UBE2E2: variants seen among roughly 807,000 people sequenced by gnomAD.
The protein encoded by UBE2E2 is ubiquitin conjugating enzyme E2 E2.
UBE2E2 carries 6 observed loss-of-function variants against 24.7 expected under a neutral mutation model. The observed-to-expected ratio is 0.24, with a 90% confidence interval of 0.13 to 0.48. The LOEUF (loss-of-function observed/expected upper bound fraction) is 0.48. UBE2E2 is among the 20% of genes least tolerant of loss of function. UBE2E2 has a pLI of 0.99. For synonymous variants in UBE2E2, 104 were observed against 83.6 expected, an observed-to-expected ratio of 1.24 and a Z score of -1.33; for missense variants, 169 against 245.0, an observed-to-expected ratio of 0.69 and a Z score of 2.07.
At position 23,590,034 on chromosome 3, in the gene UBE2E2, C is replaced by G. The variant is rs542879952; in HGVS notation, c.*203C>G. 2.0e-6 allele frequency: 1 copy of G among 493,888 alleles called. No homozygotes were observed. Among genetic ancestry groups the G allele is most frequent in the Non-Finnish European group, 3.6e-6 (1 of 276,812 alleles). The allele number at this position is 493,888 out of a possible 1,614,324, so 30.6% of individuals were successfully genotyped here. A position where few individuals can be genotyped will look rare whatever the true frequency, so the allele number is the denominator to read the frequency against. ...CTCTCCCACGCTCTCTTTTATCTCT[C>G]ATTTTATTCCCTTGTTGATTTCTGT... On this transcript the variant is annotated 3_prime_UTR_variant, in exon 6 of 6. Coordinates refer to ENST00000396703, the MANE Select transcript of UBE2E2 (RefSeq NM_152653.4).
chr3:23,366,048 C>T (rs772141699), intron 3 of UBE2E2, among the ~76,000 whole-genome samples: 2 of 152,114 alleles, frequency 1.3e-5, no homozygotes, highest in Non-Finnish European at 2.9e-5. Context: ...GCTGTGATAA[C>T]TGGCTAGCAA....
intron 4 of UBE2E2, among the ~76,000 whole-genome samples, chr3:23,519,233 C>T (rs1345729312): frequency 6.7e-6 from 1 of 149,470 alleles, no homozygotes; most frequent in Non-Finnish European, 1.5e-5. Flanking sequence ...ATTAAGTGCA[C>T]TTCTACTTTA....
chr3:23,434,654 G>A (rs12108063), intron 3 of UBE2E2, among the ~76,000 whole-genome samples: 158 of 152,140 alleles, frequency 1.0e-3, no homozygotes, highest in African/African-American at 3.6e-3. Flanking sequence ...TATAAATTAG[G>A]TAATTGCATA....
intron 3 of UBE2E2, chr3:23,449,993 G>T: frequency 1.1e-6 from 1 of 915,042 alleles, no homozygotes; most frequent in Non-Finnish European, 1.3e-6. Flanking sequence ...TGCCACGTGA[G>T]TACAGCAATG....
At chr3:23,342,297 A>C (rs1401122561) in intron 3 of UBE2E2, among the ~76,000 whole-genome samples, 1 of 150,922 alleles carries the variant, frequency 6.6e-6, no homozygotes, top group Non-Finnish European at 1.5e-5. Flanking sequence ...TGATCCTCCC[A>C]CCTCAGCCTA....
chr3:23,458,321 A>G (rs1042329907), intron 3 of UBE2E2, among the ~76,000 whole-genome samples: 4 of 144,572 alleles, frequency 2.8e-5, no homozygotes, highest in Admixed American at 6.9e-5. Context: ...GCCATCTTCT[A>G]TGGGTGTGGT....
intron 3 of UBE2E2, among the ~76,000 whole-genome samples, chr3:23,425,748 A>G (rs1697910822): frequency 1.3e-5 from 2 of 152,158 alleles, no homozygotes; most frequent in African/African-American, 4.8e-5. Context: ...TCATAGGACT[A>G]TAGAATGCTC....
At chr3:23,285,880 T>G (rs1251414020) in intron 3 of UBE2E2, among the ~76,000 whole-genome samples, 4 of 152,102 alleles carry the variant, frequency 2.6e-5, no homozygotes, top group Non-Finnish European at 5.9e-5. Flanking sequence ...TATTTTTTAG[T>G]CAAGAGGGGT....
chr3:23,338,333 A>C (rs115253675), intron 3 of UBE2E2, among the ~76,000 whole-genome samples: 4,451 of 152,304 alleles, frequency 0.029, 116 homozygotes, highest in East Asian at 0.13. Flanking sequence ...ACATCAGAAA[A>C]AAAGAGCTAG....
At chr3:23,254,977 G>A (rs1697674319) in intron 3 of UBE2E2, among the ~76,000 whole-genome samples, 1 of 151,890 alleles carries the variant, frequency 6.6e-6, no homozygotes, top group African/African-American at 2.4e-5. Context: ...TAATGAAAAG[G>A]ATAAGCCAGT....
intron 3 of UBE2E2, among the ~76,000 whole-genome samples, chr3:23,424,728 A>G (rs551016442): frequency 3.9e-5 from 6 of 152,316 alleles, no homozygotes; most frequent in African/African-American, 1.2e-4. Context: ...TCTGATAGCT[A>G]TGAGATGTTA....
At chr3:23,295,046 A>T (rs1048495931) in intron 3 of UBE2E2, among the ~76,000 whole-genome samples, 5 of 152,194 alleles carry the variant, frequency 3.3e-5, no homozygotes, top group African/African-American at 1.2e-4. Flanking sequence ...GTTAAAAATG[A>T]TAAACCTATT....
At chr3:23,498,280 G>A (rs1407688165) in intron 3 of UBE2E2, among the ~76,000 whole-genome samples, 1 of 152,044 alleles carries the variant, frequency 6.6e-6, no homozygotes, top group Non-Finnish European at 1.5e-5. Flanking sequence ...TAATCCATCT[G>A]CAACAGCATT....
At chr3:23,516,616 G>T (rs1269236570) in intron 4 of UBE2E2, among the ~76,000 whole-genome samples, 1 of 152,134 alleles carries the variant, frequency 6.6e-6, no homozygotes, top group Non-Finnish European at 1.5e-5. Context: ...ATTTTTAATA[G>T]TGAAAGTGTA....
chr3:23,542,631 G>A (rs914796821), intron 5 of UBE2E2, among the ~76,000 whole-genome samples: 14 of 151,952 alleles, frequency 9.2e-5, no homozygotes, highest in African/African-American at 3.4e-4. Context: ...TTCTGTATTG[G>A]CTTTTTGTTA....
At chr3:23,288,421 A>G (rs1004788069) in intron 3 of UBE2E2, among the ~76,000 whole-genome samples, 6 of 152,260 alleles carry the variant, frequency 3.9e-5, no homozygotes, top group East Asian at 3.9e-4. Context: ...GTAAATATCT[A>G]TTAGGTCCAT....
chr3:23,582,012 C>T (rs1463087589), intron 5 of UBE2E2, among the ~76,000 whole-genome samples: 1 of 152,124 alleles, frequency 6.6e-6, no homozygotes, highest in African/African-American at 2.4e-5. Context: ...TTTTGTCACC[C>T]AGGTAATAAG....
chr3:23,352,387 G>A (rs1220438715), intron 3 of UBE2E2, among the ~76,000 whole-genome samples: 1 of 152,138 alleles, frequency 6.6e-6, no homozygotes, highest in African/African-American at 2.4e-5. Flanking sequence ...TAAAATCAGA[G>A]CAGAACTGAA....
intron 3 of UBE2E2, among the ~76,000 whole-genome samples, chr3:23,295,560 T>G (rs1698886977): frequency 6.6e-6 from 1 of 152,194 alleles, no homozygotes; most frequent in Non-Finnish European, 1.5e-5. Context: ...TAATCAGATC[T>G]TCTAGTGAGC....
Sources: gnomAD v4.1 joint callset for allele counts (sites outside exome capture counted in the v4.1 genomes callset) on GRCh38, gnomAD v4.1.1 for gene constraint, MANE v1.5 for transcripts, NCBI Gene and HGNC (gene_info 2026-07-23, HGNC 2026-07-21) for gene names.